TSBP1: variants seen among roughly 807,000 people sequenced by gnomAD.
TSBP1 encodes the protein testis-expressed basic protein 1.
Under a neutral mutation model 68.8 loss-of-function variants are expected in TSBP1, and 56 were observed. The ratio of observed to expected loss-of-function variants is 0.81; its 90% CI spans 0.66 to 1.02. TSBP1 has a LOEUF of 1.02. Ranked by LOEUF, TSBP1 falls within the 50% of genes least tolerant of loss-of-function variation. The pLI, the probability that TSBP1 is intolerant of heterozygous loss-of-function variation, is 0.00. For missense variants in TSBP1, 502 were observed against 641.2 expected, an observed-to-expected ratio of 0.78 and a Z score of 2.34; for synonymous variants, 171 against 208.7, an observed-to-expected ratio of 0.82 and a Z score of 1.56.
In TSBP1 at chr6:32,336,376, C is replaced by T. The variant is rs898566243; in HGVS notation, c.430+239G>A. ...GATTTCTTAACACTTCGTGCATGGC[C>T]TCTTTGGAAACTATGTAATAGGAAT... On this transcript the variant is annotated intron_variant, in intron 12 of 22. Coordinates refer to ENST00000612031, the Ensembl canonical transcript of TSBP1. The surrounding 1 kb of genome is among the most constrained non-coding windows in gnomAD (Gnocchi z 5.2). Among the ~76,000 whole-genome samples, 1 of 152,066 alleles carries T rather than the reference C, an allele frequency of 6.6e-6. No homozygotes were observed. The highest frequency in any genetic ancestry group is 1.9e-4 in the East Asian group (1 of 5,192).
chr6:32,365,549 A>G lies in TSBP1; in HGVS notation c.217+618T>C. 1 of 456,528 alleles carries G rather than the reference A, an allele frequency of 2.2e-6. No individual in the cohort carries two copies. The highest frequency in any genetic ancestry group is 4.4e-6 in the Non-Finnish European group (1 of 226,860). 28.3% of individuals were successfully genotyped at this position (456,528 alleles called of 1,614,324 possible). On this transcript the variant is annotated intron_variant, in intron 6 of 22. Coordinates refer to ENST00000612031, the Ensembl canonical transcript of TSBP1. The surrounding 1 kb of genome is among the most constrained non-coding windows in gnomAD (Gnocchi z 4.3). Reference sequence around the variant, plus strand: ...CCCAGCCTCTCCTAACCATTCAACTATGCTGATCATCTCAATGTTCTGGGT... The same window carrying G: ...CCCAGCCTCTCCTAACCATTCAACTGTGCTGATCATCTCAATGTTCTGGGT...
At chr6:32,366,481 G>A in intron 4 of TSBP1, 179 bp from the exon 5 acceptor site, 4 of 720,176 alleles carry the variant, frequency 5.6e-6, no homozygotes, top group Non-Finnish European at 9.5e-6. Flanking sequence ...TAAGTTTATC[G>A]GGCCGGGCGT....
In TSBP1 at chr6:32,365,633, A is replaced by C. The variant is rs9268363; in HGVS notation, c.217+534T>G. The C allele has an allele frequency of 0.4, 181,378 of 455,702 alleles. 38,957 individuals are homozygous for C. The highest frequency in any genetic ancestry group is 0.56 in the Middle Eastern group (1,716 of 3,046). The allele number at this position is 455,702 out of a possible 1,614,324, so 28.2% of individuals were successfully genotyped here. A position where few individuals can be genotyped will look rare whatever the true frequency, so the allele number is the denominator to read the frequency against. On this transcript the variant is annotated intron_variant, in intron 6 of 22. Transcript: ENST00000612031. The surrounding 1 kb of genome is among the most constrained non-coding windows in gnomAD (Gnocchi z 4.3). ...TCCTGAATGGCTGGGGGATGTGGGC[A>C]CTCATTAAGTTCTGCACATTTTTTC... is the stretch of plus-strand genomic sequence containing the variant.
rs768920715 is a variant in TSBP1, at chr6:32,294,035, A to G, written c.638T>C (p.Val213Ala). The G allele has an allele frequency of 4.4e-6, 7 of 1,606,794 alleles. 1 individual carries two copies. The Admixed American group carries it at 1.0e-4, about 23-fold the overall frequency. ...TTCATCCATGTAACCTGTTAATATA[A>G]CTGAGCATACAACAAAAGGGCGTGA... Residue 213 changes from valine to alanine, a missense_variant and splice_region_variant, in exon 23 of 23, where the codon GTT becomes GCT. Transcript: ENST00000612031.
chr6:32,297,400 A>G (rs1398190312), intron 22 of TSBP1, among the ~76,000 whole-genome samples: 4 of 152,228 alleles, frequency 2.6e-5, no homozygotes, highest in Admixed American at 1.3e-4. Context: ...AAATTGGATT[A>G]ATTTTTGTTA....
intron 19 of TSBP1, among the ~76,000 whole-genome samples, chr6:32,307,009 T>G (rs1395404112): frequency 7.1e-6 from 1 of 140,438 alleles, no homozygotes; most frequent in Non-Finnish European, 1.5e-5. Context: ...TTCTTTAATT[T>G]TGTTTCAAAA....
At chr6:32,300,608 A>G (rs1582970353) in intron 21 of TSBP1, 72 bp downstream of exon 24, 4 of 1,347,412 alleles carry the variant, frequency 3.0e-6, no homozygotes, top group African/African-American at 1.4e-5. Flanking sequence ...GTAACACAAG[A>G]ACATTTGGGA....
At chr6:32,295,258 C>G (rs1764564068) in intron 22 of TSBP1, among the ~76,000 whole-genome samples, 1 of 150,510 alleles carries the variant, frequency 6.6e-6, no homozygotes, top group South Asian at 2.1e-4. Flanking sequence ...ATCGCTTGAA[C>G]CCGGGAGGCA....
rs1768152564 is a variant in TSBP1, at chr6:32,325,792, C to T, written c.515-2178G>A. The T allele has an allele frequency of 1.5e-5, 18 of 1,205,842 alleles. No individual in the cohort carries two copies. The highest frequency in any genetic ancestry group is 4.8e-5 in the South Asian group (4 of 83,044). 74.7% of individuals were successfully genotyped at this position (1,205,842 alleles called of 1,614,324 possible). A position where few individuals can be genotyped will look rare whatever the true frequency, so the allele number is the denominator to read the frequency against. On this transcript the variant is annotated intron_variant, in intron 16 of 22. Coordinates refer to ENST00000612031, the Ensembl canonical transcript of TSBP1. The surrounding 1 kb of genome is among the most constrained non-coding windows in gnomAD (Gnocchi z 4.4). Reference sequence around the variant, plus strand: ...AGAGATGGCTAGTGCTCCATCCAGCCGAAGAGGTCGAAGTGGTTCTGGAAA... The same window carrying T: ...AGAGATGGCTAGTGCTCCATCCAGCTGAAGAGGTCGAAGTGGTTCTGGAAA...
chr6:32,330,715 G>T (rs1768910624), intron 15 of TSBP1, 106 bp from the exon 17 acceptor site: 1 of 1,344,444 alleles, frequency 7.4e-7, no homozygotes, highest in South Asian at 1.5e-5. Flanking sequence ...CTGTCGCCCA[G>T]GCTGGAGTGT....
chr6:32,325,007 AT>A lies in TSBP1; in HGVS notation c.515-1394del, dbSNP rs1474818048. On this transcript the variant is annotated intron_variant, in intron 16 of 22. Coordinates refer to ENST00000612031, the Ensembl canonical transcript of TSBP1. This position sits in a 1 kb window ranked among gnomAD's most constrained non-coding sequence, Gnocchi z 4.4. The stretch of plus-strand genomic sequence containing the variant: ...TAGATGACTTATCTAGAAAGCAGAA[AT>A]GGATCTATATCATTTTTCTGTCATT... Among the ~76,000 whole-genome samples, 2 of 152,154 alleles carry A rather than the reference AT, an allele frequency of 1.3e-5. No homozygotes were observed. The highest frequency in any genetic ancestry group is 4.8e-5 in the African/African-American group (2 of 41,458).
chr6:32,364,426 TTTTTG>T (rs1337926728), intron 6 of TSBP1, among the ~76,000 whole-genome samples: 2 of 148,564 alleles, frequency 1.3e-5, no homozygotes, highest in African/African-American at 4.9e-5. Flanking sequence ...TTTTTTTTTT[TTTTTG>T]TACTCTGACT....
At chr6:32,295,697 G>GAC (rs1278374123) in intron 22 of TSBP1, among the ~76,000 whole-genome samples, 3 of 152,098 alleles carry the variant, frequency 2.0e-5, no homozygotes, top group Non-Finnish European at 4.4e-5. Context: ...CAGTGCATGG[G>GAC]ACATAAGTAG....
intron 8 of TSBP1, chr6:32,352,796 C>CATGAGGATATGAGTGGAT (rs1422630550): frequency 5.9e-5 from 9 of 151,752 alleles, no homozygotes; most frequent in Non-Finnish European, 1.3e-4. Context: ...AAAAAATAGT[C>CATGAGGATATGAGTGGAT]ATGAGGATAT....
intron 9 of TSBP1, 57 bp downstream of exon 9, chr6:32,349,683 C>T: frequency 2.9e-6 from 3 of 1,043,784 alleles, no homozygotes; most frequent in Non-Finnish European, 4.5e-6. Context: ...GGAAGATATC[C>T]TCTTGATTAA....
At chr6:32,370,608 A>T (rs1774299747) in intron 1 of TSBP1, among the ~76,000 whole-genome samples, 1 of 151,968 alleles carries the variant, frequency 6.6e-6, no homozygotes. Flanking sequence ...TTCTTGTCAC[A>T]GAAAAACCTT....
Position 32,325,940 on chromosome 6 carries a change from A to C in TSBP1, c.515-2326T>G. ...GGTGGTGGATATGGTGGCAGTGAGG[A>C]TGGCTATAATGGATTTGGTAATGAT... On this transcript the variant is annotated intron_variant, in intron 16 of 22. Transcript: ENST00000612031. This position sits in a 1 kb window ranked among gnomAD's most constrained non-coding sequence, Gnocchi z 4.4. 6.4e-7 allele frequency: 1 copy of C among 1,561,130 alleles called. No individual in the cohort carries two copies. Among genetic ancestry groups the C allele is most frequent in the Non-Finnish European group, 8.7e-7 (1 of 1,146,660 alleles).
rs138704487 is a variant in TSBP1 at position 32,293,987 on chromosome 6, G to A, written c.686C>T (p.Ser229Phe). Residue 229 changes from serine to phenylalanine, a missense_variant, in exon 23 of 23, where the codon TCC (serine) becomes TTC (phenylalanine). Ser to Phe is a radical substitution (Grantham distance 155, BLOSUM62 -2). Coordinates refer to ENST00000612031, the Ensembl canonical transcript of TSBP1. Reference sequence around the variant, plus strand: ...TCCACATTTTAGAATCTGGATTTTGGAACAAGATTTTTTTGCAAGTTCTTC... The same window carrying A: ...TCCACATTTTAGAATCTGGATTTTGAAACAAGATTTTTTTGCAAGTTCTTC... The A allele has an allele frequency of 3.0e-4, 486 of 1,612,218 alleles. 1 individual carries two copies. In the African/African-American group the frequency reaches 3.4e-3, roughly 11 times the overall value.
At chr6:32,371,786 C>T in exon 1 of TSBP1, 3 of 1,558,836 alleles carry the variant, frequency 1.9e-6, no homozygotes, top group Non-Finnish European at 2.7e-6. Flanking sequence ...ACGAAAAACT[C>T]AAGTTCACTG....
Sources: gnomAD v4.1 joint callset for allele counts (sites outside exome capture counted in the v4.1 genomes callset) on GRCh38, gnomAD v4.1.1 for gene constraint, Gnocchi (gnomAD v3.1) non-coding constraint, MANE v1.5 for transcripts, NCBI Gene and HGNC (gene_info 2026-07-23, HGNC 2026-07-21) for gene names.